Variants in DOCK3 observed in about 807,000 individuals in gnomAD.
DOCK3 encodes dedicator of cytokinesis 3.
DOCK3 carries 60 observed loss-of-function variants against 265.6 expected under a neutral mutation model. The ratio of observed to expected loss-of-function variants is 0.23; its 90% CI spans 0.18 to 0.28. The LOEUF is 0.28. Among genes scored for constraint, DOCK3 ranks in the 10% least tolerant of loss-of-function variants. The pLI is 1.00. For synonymous variants in DOCK3, 881 were observed against 938.0 expected (o/e 0.94, Z 1.11); for missense variants, 1,981 against 2,594.3 (o/e 0.76, Z 5.14).
chr3:50,782,437 C>A (rs1309626106), intron 2 of DOCK3, among the ~76,000 whole-genome samples: 1 of 150,900 alleles, frequency 6.6e-6, no homozygotes, highest in Non-Finnish European at 1.5e-5. Flanking sequence ...ACTACAGGCG[C>A]CCGCTACCAC....
intron 10 of DOCK3, among the ~76,000 whole-genome samples, chr3:51,155,202 G>T (rs988592736): frequency 2.0e-5 from 3 of 151,798 alleles, no homozygotes; most frequent in Non-Finnish European, 4.4e-5. Flanking sequence ...TGAACTGCTG[G>T]CCTCAAACAA....
At chr3:51,080,988 A>G (rs1449582170) in intron 7 of DOCK3, among the ~76,000 whole-genome samples, 1 of 151,720 alleles carries the variant, frequency 6.6e-6, no homozygotes, top group East Asian at 1.9e-4. Context: ...TGTTTTGCCC[A>G]GCTGGTGGAG....
intron 5 of DOCK3, among the ~76,000 whole-genome samples, chr3:51,049,795 A>G (rs928158628): frequency 2.8e-5 from 4 of 145,380 alleles, no homozygotes; most frequent in African/African-American, 1.0e-4. Context: ...TAATGGGTCC[A>G]CACACACACA....
At chr3:50,900,700 C>A (rs556615021) in intron 4 of DOCK3, 50 of 451,282 alleles carry the variant, frequency 1.1e-4, no homozygotes, top group Non-Finnish European at 2.2e-4. Flanking sequence ...TTATTCCTTT[C>A]TGTTTGTTAG....
At chr3:51,012,349 C>T (rs985443459) in intron 5 of DOCK3, among the ~76,000 whole-genome samples, 2 of 152,198 alleles carry the variant, frequency 1.3e-5, no homozygotes, top group African/African-American at 4.8e-5. Flanking sequence ...TCAGCAATGG[C>T]AGGCACCCTC....
At chr3:51,110,315 A>G (rs982813524) in intron 9 of DOCK3, among the ~76,000 whole-genome samples, 4 of 152,186 alleles carry the variant, frequency 2.6e-5, no homozygotes, top group African/African-American at 9.7e-5. Flanking sequence ...TCCCCAACTC[A>G]TTCTATGAGG....
intron 9 of DOCK3, among the ~76,000 whole-genome samples, chr3:51,120,934 C>T (rs1314821695): frequency 2.0e-5 from 3 of 152,202 alleles, no homozygotes; most frequent in Non-Finnish European, 4.4e-5. Flanking sequence ...AGCAAGACTA[C>T]TTGGCTTCCT....
At chr3:51,365,050 T>A (rs2087036218) in intron 49 of DOCK3, among the ~76,000 whole-genome samples, 1 of 152,226 alleles carries the variant, frequency 6.6e-6, no homozygotes, top group Non-Finnish European at 1.5e-5. Flanking sequence ...GGGGATGGCA[T>A]TGAATCTATA....
At chr3:50,828,895 G>A (rs2044948699) in intron 2 of DOCK3, among the ~76,000 whole-genome samples, 1 of 151,960 alleles carries the variant, frequency 6.6e-6, no homozygotes, top group Non-Finnish European at 1.5e-5. Context: ...TGTATTTTTA[G>A]TAGAGACGGG....
intron 1 of DOCK3, among the ~76,000 whole-genome samples, chr3:50,728,513 A>G (rs1471613218): frequency 6.6e-6 from 1 of 152,170 alleles, no homozygotes; most frequent in Non-Finnish European, 1.5e-5. Flanking sequence ...AGTAAAGCCT[A>G]AAGTGGTTTT....
chr3:50,932,611 G>A (rs558595107), intron 4 of DOCK3, among the ~76,000 whole-genome samples: 1 of 152,174 alleles, frequency 6.6e-6, no homozygotes, highest in African/African-American at 2.4e-5. Flanking sequence ...CTTTTGAAAA[G>A]GTCCTATGAC....
At chr3:51,089,803 G>A (rs1212069234) in intron 8 of DOCK3, among the ~76,000 whole-genome samples, 1 of 149,978 alleles carries the variant, frequency 6.7e-6, no homozygotes, top group East Asian at 2.0e-4. Flanking sequence ...TCAGGAGGCT[G>A]AGGGAGGAGA....
At chr3:51,215,162 C>T (rs963998798) in intron 14 of DOCK3, among the ~76,000 whole-genome samples, 1 of 152,214 alleles carries the variant, frequency 6.6e-6, no homozygotes, top group Admixed American at 6.5e-5. Flanking sequence ...CGCTGGAGTG[C>T]AGTGGTGCCA....
intron 5 of DOCK3, among the ~76,000 whole-genome samples, chr3:51,049,487 C>G (rs546238541): frequency 6.6e-6 from 1 of 152,102 alleles, no homozygotes; most frequent in South Asian, 2.1e-4. Context: ...GGCTAGCTAA[C>G]TTTATGGGTC....
chr3:50,854,456 G>C (rs561618120), intron 3 of DOCK3, among the ~76,000 whole-genome samples: 3 of 147,554 alleles, frequency 2.0e-5, no homozygotes, highest in Non-Finnish European at 4.5e-5. Context: ...TGGCGAACAG[G>C]GTCTTGCTCT....
At chr3:51,161,509 G>T (rs1475833836) in intron 12 of DOCK3, among the ~76,000 whole-genome samples, 1 of 152,078 alleles carries the variant, frequency 6.6e-6, no homozygotes, top group Admixed American at 6.6e-5. Flanking sequence ...TAAGATTTGG[G>T]GTGGGGCCCA....
At chr3:50,745,384 T>A (rs1187635344) in intron 1 of DOCK3, among the ~76,000 whole-genome samples, 7 of 152,132 alleles carry the variant, frequency 4.6e-5, no homozygotes, top group Non-Finnish European at 8.8e-5. Context: ...AATCTGTAAA[T>A]TGCTTTGGGT....
chr3:50,866,071 T>G (rs932283621), intron 3 of DOCK3, among the ~76,000 whole-genome samples: 1 of 152,228 alleles, frequency 6.6e-6, no homozygotes, highest in Non-Finnish European at 1.5e-5. Context: ...TCTCTTATTC[T>G]GTGGGTTGTT....
At chr3:51,298,811 G>C (rs1052184038) in intron 27 of DOCK3, among the ~76,000 whole-genome samples, 4 of 152,116 alleles carry the variant, frequency 2.6e-5, no homozygotes, top group South Asian at 4.2e-4. Context: ...CCAGTGTATT[G>C]TTGATAGGCA....
Sources: gnomAD v4.1 joint callset for allele counts (sites outside exome capture counted in the v4.1 genomes callset) on GRCh38, gnomAD v4.1.1 for gene constraint, MANE v1.5 for transcripts, NCBI Gene and HGNC (gene_info 2026-07-23, HGNC 2026-07-21) for gene names.